USP35: variants seen among roughly 807,000 people sequenced by gnomAD.
USP35 encodes ubiquitin carboxyl-terminal hydrolase 35.
A neutral mutation model predicts 83.8 loss-of-function variants in USP35; 69 were observed. The observed-to-expected ratio is 0.82, with a 90% CI of 0.68 to 1.01. USP35 has a LOEUF of 1.01. USP35 is among the 50% of genes least tolerant of loss of function. The pLI is 0.00. For synonymous variants in USP35, 714 were observed against 589.5 expected (o/e 1.21, Z -3.06); for missense variants, 1,503 against 1,362.5 (o/e 1.10, Z -1.62).
Position 78,189,116 on chromosome 11 carries a change from G to A in USP35, c.-52G>A. On this transcript the variant is annotated 5_prime_UTR_variant, in exon 1 of 11. Transcript: ENST00000529308. ...CAGCCTCGTCCTGCCCGGCCTGAGC[G>A]CCCCGCCCAGCAGCCGGCTCTGGCC... The A allele has an allele frequency of 9.7e-6, 3 of 307,866 alleles. No homozygotes were observed. The highest frequency in any genetic ancestry group is 1.4e-5 in the Non-Finnish European group (3 of 210,458). 19.1% of individuals were successfully genotyped at this position (307,866 alleles called of 1,614,324 possible). A position where few individuals can be genotyped will look rare whatever the true frequency, so the allele number is the denominator to read the frequency against.
the USP35 span, among the ~76,000 whole-genome samples, chr11:78,224,553 C>T: frequency 5.3e-5 from 8 of 152,282 alleles, no homozygotes; most frequent in South Asian, 2.1e-4. Context: ...CTCTATCTGC[C>T]GTGACATACA....
At position 78,196,990 on chromosome 11, in the gene USP35, C is replaced by G. The variant is rs985224454; in HGVS notation, c.673+72C>G. The G allele has an allele frequency of 1.4e-6, 2 of 1,406,832 alleles. No homozygotes were observed. The highest frequency in any genetic ancestry group is 1.5e-5 in the African/African-American group (1 of 66,952). 87.1% of individuals were successfully genotyped at this position (1,406,832 alleles called of 1,614,324 possible). ...GTGGGCGCTTGGGTAGGTGGCTGTA[C>G]GTGTGGATTTGTGCATGCGGGCGCC... On this transcript the variant is annotated intron_variant, in intron 2 of 10. Coordinates refer to ENST00000529308, the MANE Select transcript of USP35 (RefSeq NM_020798.4). The surrounding 1 kb of genome is among the most constrained non-coding windows in gnomAD (Gnocchi z 4.8).
At chr11:78,232,535 ATAT>A in the USP35 span, among the ~76,000 whole-genome samples, 1 of 152,314 alleles carries the variant, frequency 6.6e-6, no homozygotes. Context: ...TTGGCAATAG[ATAT>A]TATTCTGAAT....
At chr11:78,233,625 T>C in the USP35 span, among the ~76,000 whole-genome samples, 2 of 152,114 alleles carry the variant, frequency 1.3e-5, no homozygotes, top group Non-Finnish European at 2.9e-5. Flanking sequence ...TTTTTTGAGA[T>C]GGAGTCTTGC....
chr11:78,231,575 C>A, the USP35 span, among the ~76,000 whole-genome samples: 13 of 152,306 alleles, frequency 8.5e-5, no homozygotes, highest in Middle Eastern at 6.8e-3. Flanking sequence ...GTCTCGAACT[C>A]CTGACCTCGT....
intron 5 of USP35, 33 bp downstream of exon 5, chr11:78,200,267 C>G (rs777188359): frequency 1.2e-5 from 20 of 1,602,644 alleles, no homozygotes; most frequent in Non-Finnish European, 1.6e-5. Context: ...CCTGGTGAGG[C>G]CCCTGCCTGC....
rs1162059302 is a variant in USP35, at chr11:78,214,261, G to C, written c.*448G>C. ...GGGTGGGGGGGGCAGTGTCTCCTCTGGCTGTCCTGTTTGTTTGTTTCTCAT... is the reference window on the plus strand; with the variant it reads ...GGGTGGGGGGGGCAGTGTCTCCTCTCGCTGTCCTGTTTGTTTGTTTCTCAT... On this transcript the variant is annotated 3_prime_UTR_variant, in exon 11 of 11. Transcript: ENST00000529308. 7.6e-6 allele frequency: 1 copy of C among 131,522 alleles called. No individual in the cohort carries two copies. Among genetic ancestry groups the C allele is most frequent in the African/African-American group, 3.2e-5 (1 of 31,456 alleles). 8.1% of individuals were successfully genotyped at this position (131,522 alleles called of 1,614,324 possible).
chr11:78,221,915 G>T, the USP35 span: 1 of 686,546 alleles, frequency 1.5e-6, no homozygotes. Flanking sequence ...ATTAAGATCT[G>T]ATATAGGGCA....
the USP35 span, among the ~76,000 whole-genome samples, chr11:78,231,538 C>T: frequency 3.0e-3 from 458 of 152,228 alleles, 2 homozygotes; most frequent in African/African-American, 0.01. Flanking sequence ...TTAGTAGAGA[C>T]GGGGTTTCAT....
chr11:78,213,945 G>A lies in USP35; in HGVS notation c.*132G>A, dbSNP rs569722794. On this transcript the variant is annotated 3_prime_UTR_variant, in exon 11 of 11. Coordinates refer to ENST00000529308, the MANE Select transcript of USP35 (RefSeq NM_020798.4). ...CACCTTAGTCCTCAGCCTGATGAAG[G>A]GTACACAGAGATTCTCTCAGATATG... The A allele has an allele frequency of 1.0e-6, 1 of 984,930 alleles. No homozygotes were observed. The highest frequency in any genetic ancestry group is 2.1e-5 in the South Asian group (1 of 48,056). The allele number at this position is 984,930 out of a possible 1,614,324, so 61.0% of individuals were successfully genotyped here. A position where few individuals can be genotyped will look rare whatever the true frequency, so the allele number is the denominator to read the frequency against.
Position 78,209,455 on chromosome 11 carries a change from G to A in USP35, c.1600G>A (p.Glu534Lys), listed in dbSNP as rs750743546. 6 of 1,602,488 alleles carry A rather than the reference G, an allele frequency of 3.7e-6. No individual in the cohort carries two copies. The South Asian group carries it at 4.5e-5, about 12-fold the overall frequency. ...CTGTGCTCTCTGCCCCAGGCTGCACGAAGAGGAGAAAACGGGCACAAGGAT... is the reference window on the plus strand; with the variant it reads ...CTGTGCTCTCTGCCCCAGGCTGCACAAAGAGGAGAAAACGGGCACAAGGAT... ...YLKYLLDRLHEEEKTGTRICQ... is the reference protein window; with the variant it reads ...YLKYLLDRLHKEEKTGTRICQ... Residue 534 changes from glutamate to lysine, a missense_variant, in exon 10 of 11, where the codon GAA becomes AAA. By Grantham distance (56) the Glu-to-Lys change is moderately conservative. Coordinates refer to ENST00000529308, the MANE Select transcript of USP35 (RefSeq NM_020798.4).
downstream of USP35, chr11:78,216,221 C>CTT (rs1302705750): frequency 6.6e-6 from 1 of 152,452 alleles, no homozygotes; most frequent in African/African-American, 2.4e-5. Flanking sequence ...TCTCACTTGA[C>CTT]TTAACCTTGC....
intron 8 of USP35, among the ~76,000 whole-genome samples, chr11:78,208,207 C>A (rs1180061299): frequency 6.6e-6 from 1 of 152,200 alleles, no homozygotes; most frequent in Non-Finnish European, 1.5e-5. Flanking sequence ...CTCATCCTCT[C>A]TTGAAGGTCC....
At chr11:78,207,214 T>G (rs1863555170) in intron 7 of USP35, 1 of 239,632 alleles carries the variant, frequency 4.2e-6, no homozygotes, top group African/African-American at 2.3e-5. Flanking sequence ...CCTAGAATCC[T>G]GGGACCACAG....
In USP35 at chr11:78,214,866, AAACGTGTGG is replaced by A. The variant is rs1864036461; in HGVS notation, c.*1055_*1063del. Among the ~76,000 whole-genome samples, 1 of 144,486 alleles carries A rather than the reference AAACGTGTGG, an allele frequency of 6.9e-6. No individual in the cohort carries two copies. Among genetic ancestry groups the A allele is most frequent in the Non-Finnish European group, 1.5e-5 (1 of 67,082 alleles). 94.8% of individuals were successfully genotyped at this position (144,486 alleles called of 152,430 possible). A position where few individuals can be genotyped will look rare whatever the true frequency, so the allele number is the denominator to read the frequency against. ...GAATCTACTGAAGTGGGGTGTAAGT[AAACGTGTGG>A]ACTGACTGACTTACTTACCTTACTG... is the stretch of plus-strand genomic sequence containing the variant. On this transcript the variant is annotated 3_prime_UTR_variant, in exon 11 of 11. Transcript: ENST00000529308.
At chr11:78,204,410 C>T (rs1002550985) in intron 6 of USP35, among the ~76,000 whole-genome samples, 23 of 152,134 alleles carry the variant, frequency 1.5e-4, no homozygotes, top group Admixed American at 1.0e-3. Context: ...CAGGTTGTGG[C>T]GGTTTCTTTG....
rs1203369395 is a variant in USP35 at position 78,214,170 on chromosome 11, A to AAGTACT, written c.*359_*364dup. ...ACCTCAGCTCCAATGTTTTGACATC[A>AAGTACT]AGTACTATTTTCCTTCCGACTGCTG... On this transcript the variant is annotated 3_prime_UTR_variant, in exon 11 of 11. Coordinates refer to ENST00000529308, the MANE Select transcript of USP35 (RefSeq NM_020798.4). The AAGTACT allele has an allele frequency of 5.2e-6, 1 of 193,552 alleles. No individual in the cohort carries two copies. The highest frequency in any genetic ancestry group is 1.0e-5 in the Non-Finnish European group (1 of 96,556). 12.0% of individuals were successfully genotyped at this position (193,552 alleles called of 1,614,324 possible). A position where few individuals can be genotyped will look rare whatever the true frequency, so the allele number is the denominator to read the frequency against.
At chr11:78,207,320 A>G in intron 7 of USP35, 6 of 557,726 alleles carry the variant, frequency 1.1e-5, no homozygotes, top group South Asian at 1.0e-4. Context: ...TGTCTAAAAC[A>G]TGTCTATTGT....
intron 8 of USP35, among the ~76,000 whole-genome samples, chr11:78,208,608 C>T (rs1324046568): frequency 6.6e-6 from 1 of 152,144 alleles, no homozygotes; most frequent in Non-Finnish European, 1.5e-5. Flanking sequence ...TGAGGTGTGC[C>T]AGGAAGAGAA....
Sources: gnomAD v4.1 joint callset for allele counts (sites outside exome capture counted in the v4.1 genomes callset) on GRCh38, gnomAD v4.1.1 for gene constraint, Gnocchi (gnomAD v3.1) non-coding constraint, MANE v1.5 for transcripts, NCBI Gene and HGNC (gene_info 2026-07-23, HGNC 2026-07-21) for gene names.